OSBPL6: variants seen among roughly 807,000 people sequenced by gnomAD.
OSBPL6 encodes oxysterol-binding protein-related protein 6.
OSBPL6 carries 49 observed loss-of-function variants against 125.8 expected under a neutral mutation model. The ratio of observed to expected loss-of-function variants is 0.39; its 90% CI spans 0.31 to 0.49. The LOEUF is 0.49. Ranked by LOEUF, OSBPL6 falls within the 20% of genes least tolerant of loss-of-function variation. The pLI is 0.88. For missense variants in OSBPL6, 986 were observed against 1,135.4 expected, an observed-to-expected ratio of 0.87 and a Z score of 1.89; for synonymous variants, 394 against 391.8, an observed-to-expected ratio of 1.01 and a Z score of -0.07.
chr2:178,345,554 A>T (rs17354481), intron 11 of OSBPL6, among the ~76,000 whole-genome samples: 6,722 of 152,350 alleles, frequency 0.044, 224 homozygotes, highest in Non-Finnish European at 0.063. Context: ...TGGTCCATGT[A>T]TATCTTATGC....
intron 24 of OSBPL6, 151 bp downstream of exon 24, chr2:178,394,586 T>A: frequency 9.4e-7 from 1 of 1,058,944 alleles, no homozygotes; most frequent in Non-Finnish European, 1.3e-6. Flanking sequence ...TTTGCACTTA[T>A]GAAAAGTTAG....
chr2:178,238,723 A>G (rs2091162915), intron 1 of OSBPL6, among the ~76,000 whole-genome samples: 1 of 152,220 alleles, frequency 6.6e-6, no homozygotes, highest in Non-Finnish European at 1.5e-5. Flanking sequence ...ATGGAAGACA[A>G]TGAACAATGT....
At chr2:178,314,907 G>T (rs930818281) in intron 3 of OSBPL6, among the ~76,000 whole-genome samples, 6 of 152,170 alleles carry the variant, frequency 3.9e-5, no homozygotes, top group African/African-American at 1.4e-4. Context: ...CAGGCCTCCT[G>T]TATACTTTGA....
intron 1 of OSBPL6, among the ~76,000 whole-genome samples, chr2:178,202,259 C>T (rs1559110291): frequency 6.6e-6 from 1 of 152,130 alleles, no homozygotes; most frequent in Non-Finnish European, 1.5e-5. Context: ...ATATTTCCAT[C>T]TGGAATCATT....
intron 1 of OSBPL6, among the ~76,000 whole-genome samples, chr2:178,252,370 T>C (rs191761479): frequency 6.6e-6 from 1 of 152,284 alleles, no homozygotes; most frequent in East Asian, 1.9e-4. Flanking sequence ...AAAGCAGCGG[T>C]AGACAAAATG....
intron 2 of OSBPL6, among the ~76,000 whole-genome samples, chr2:178,298,898 A>G (rs1686013361): frequency 6.6e-6 from 1 of 152,154 alleles, no homozygotes; most frequent in South Asian, 2.1e-4. Flanking sequence ...AGAACAGGAC[A>G]TGTACTGTTG....
chr2:178,330,083 A>G (rs1178346344), intron 5 of OSBPL6, among the ~76,000 whole-genome samples: 3 of 152,124 alleles, frequency 2.0e-5, no homozygotes, highest in Admixed American at 6.5e-5. Context: ...ATTTTCGCCA[A>G]TTGGCCATCC....
At chr2:178,305,948 C>A in intron 2 of OSBPL6, 82 bp from the exon 3 acceptor site, 1 of 285,060 alleles carries the variant, frequency 3.5e-6, no homozygotes, top group Non-Finnish European at 6.5e-6. Flanking sequence ...CTCACTAACA[C>A]AAATTAATAT....
At chr2:178,253,498 G>T (rs2091771206) in intron 1 of OSBPL6, among the ~76,000 whole-genome samples, 2 of 152,166 alleles carry the variant, frequency 1.3e-5, no homozygotes, top group South Asian at 4.1e-4. Context: ...GTAATGCCTT[G>T]TTAATAATTC....
chr2:178,374,021 G>C lies in OSBPL6; in HGVS notation c.1527G>C (p.Glu509Asp). The part of the protein sequence containing the change: ...QEVLLSASSS[E>D]NEASDDESYI... ...TGCTCCTCTCTGCAAGTTCGTCAGAGAATGAGGTATGTATGCCTCCTTGAC... is the reference window on the plus strand; with the variant it reads ...TGCTCCTCTCTGCAAGTTCGTCAGACAATGAGGTATGTATGCCTCCTTGAC... The change falls in exon 15 of 25, where the codon GAG (glutamate) becomes GAC (aspartate). Residue 509 changes from glutamate (E) to aspartate (D), a missense_variant. By Grantham distance (45) the Glu-to-Asp change is conservative. Around this residue, in one of 3 missense-constraint regions of OSBPL6, gnomAD observed 843 missense variants for 997.3 expected, o/e 0.85. Coordinates refer to ENST00000190611, the MANE Select transcript of OSBPL6 (RefSeq NM_032523.4). 6.2e-7 allele frequency: 1 copy of C among 1,614,002 alleles called. No homozygotes were observed. The highest frequency in any genetic ancestry group is 8.5e-7 in the Non-Finnish European group (1 of 1,179,924).
chr2:178,244,183 C>G (rs1403332182), intron 1 of OSBPL6, among the ~76,000 whole-genome samples: 1 of 152,170 alleles, frequency 6.6e-6, no homozygotes, highest in Non-Finnish European at 1.5e-5. Context: ...TGCCTCAGAG[C>G]CTTTGCACAT....
chr2:178,273,676 T>TG (rs1419072272), intron 1 of OSBPL6, among the ~76,000 whole-genome samples: 2 of 152,198 alleles, frequency 1.3e-5, no homozygotes, highest in Non-Finnish European at 1.5e-5. Flanking sequence ...GGCAGTTTGT[T>TG]GGGGAACAAA....
rs1286171206 is a variant in OSBPL6 at position 178,400,172 on chromosome 2, A to G, written c.*4613A>G. 9 of 152,120 alleles carry G rather than the reference A, an allele frequency of 5.9e-5. No individual in the cohort carries two copies. The highest frequency in any genetic ancestry group is 5.9e-4 in the Admixed American group (9 of 15,274). The allele number at this position is 152,120 out of a possible 1,614,324, so 9.4% of individuals were successfully genotyped here. A position where few individuals can be genotyped will look rare whatever the true frequency, so the allele number is the denominator to read the frequency against. ...CTAGAACTATTACTTCTTTTATCTT[A>G]GACACCCACTTTCCCTTAATTCTCA... is the stretch of plus-strand genomic sequence containing the variant. On this transcript the variant is annotated 3_prime_UTR_variant, in exon 25 of 25. Transcript: ENST00000190611.
chr2:178,208,684 C>CCCTTCCCCTCCATTT (rs1409277119), intron 1 of OSBPL6, among the ~76,000 whole-genome samples: 1 of 78,386 alleles, frequency 1.3e-5, no homozygotes, highest in Non-Finnish European at 2.8e-5. Context: ...CCTCTCCCCT[C>CCCTTCCCCTCCATTT]CCTTCCCCTC....
intron 1 of OSBPL6, among the ~76,000 whole-genome samples, chr2:178,237,095 G>A (rs747910099): frequency 2.6e-5 from 4 of 152,220 alleles, no homozygotes; most frequent in African/African-American, 4.8e-5. Context: ...AACTTTTTGC[G>A]TAAGATATTC....
chr2:178,297,985 A>G (rs547105839), intron 2 of OSBPL6, among the ~76,000 whole-genome samples: 11 of 152,306 alleles, frequency 7.2e-5, no homozygotes, highest in African/African-American at 2.4e-4. Context: ...TTTCAAAGTG[A>G]AATTCTGTAA....
intron 1 of OSBPL6, among the ~76,000 whole-genome samples, chr2:178,246,157 A>G (rs1321225030): frequency 6.6e-6 from 1 of 151,860 alleles, no homozygotes; most frequent in Admixed American, 6.6e-5. Flanking sequence ...TCATGTCACC[A>G]TTCTCTGTCT....
chr2:178,237,095 G>GT (rs2091083135), intron 1 of OSBPL6, among the ~76,000 whole-genome samples: 1 of 152,102 alleles, frequency 6.6e-6, no homozygotes, highest in Non-Finnish European at 1.5e-5. Flanking sequence ...AACTTTTTGC[G>GT]TAAGATATTC....
chr2:178,212,184 G>T (rs1310413379), intron 1 of OSBPL6, among the ~76,000 whole-genome samples: 1 of 152,130 alleles, frequency 6.6e-6, no homozygotes, highest in Non-Finnish European at 1.5e-5. Flanking sequence ...ACACTGTAGA[G>T]GTTTCCCTGA....
Sources: allele counts gnomAD v4.1 joint callset (sites outside exome capture counted in the v4.1 genomes callset), GRCh38; gene constraint gnomAD v4.1.1; regional missense constraint gnomAD v4.1.1; transcripts MANE v1.5; gene names NCBI Gene and HGNC (gene_info 2026-07-23, HGNC 2026-07-21).